Variants in FAM83B observed in about 807,000 individuals in gnomAD.
FAM83B encodes the protein protein FAM83B.
In FAM83B, 26 loss-of-function variants were observed where a neutral mutation model predicts 38.8. The ratio of observed to expected loss-of-function variants is 0.67; its 90% CI spans 0.49 to 0.93. The LOEUF (loss-of-function observed/expected upper bound fraction) is 0.93. FAM83B is among the 40% of genes least tolerant of loss of function. FAM83B has a pLI of 0.00. For synonymous variants in FAM83B, 419 were observed against 423.1 expected, an observed-to-expected ratio of 0.99 and a Z score of 0.12; for missense variants, 1,237 against 1,197.3, an observed-to-expected ratio of 1.03 and a Z score of -0.49.
At chr6:54,859,573 T>C (rs1771527883) in intron 1 of FAM83B, among the ~76,000 whole-genome samples, 1 of 152,160 alleles carries the variant, frequency 6.6e-6, no homozygotes, top group South Asian at 2.1e-4. Flanking sequence ...GTATGATGCA[T>C]TTAAATAATG....
At position 54,940,840 on chromosome 6, in the gene FAM83B, C is replaced by T. The variant is rs547095945; in HGVS notation, c.1869C>T (p.Ala623=). 2 of 1,613,938 alleles carry T rather than the reference C, an allele frequency of 1.2e-6. No homozygotes were observed. Among genetic ancestry groups the T allele is most frequent in the African/African-American group, 1.3e-5 (1 of 75,008 alleles). ...AGGTTCCTGAAAACCACTCAGTAGCCTTAAACCAAACTACAAATGGCCATA... is the reference window on the plus strand; with the variant it reads ...AGGTTCCTGAAAACCACTCAGTAGCTTTAAACCAAACTACAAATGGCCATA... The part of the protein sequence containing the change: ...TLQVPENHSV[A]LNQTTNGHTE... Residue 623 remains alanine, a synonymous_variant, in exon 5 of 5, where the codon GCC becomes GCT. Coordinates refer to ENST00000306858, the MANE Select transcript of FAM83B (RefSeq NM_001010872.3).
intron 2 of FAM83B, among the ~76,000 whole-genome samples, chr6:54,925,915 G>A (rs371034781): frequency 6.6e-6 from 1 of 151,850 alleles, no homozygotes; most frequent in African/African-American, 2.4e-5. Context: ...CCTTTCCTAG[G>A]TATATTTCTA....
At chr6:54,871,745 CAAA>C (rs34323872) in intron 2 of FAM83B, among the ~76,000 whole-genome samples, 3 of 29,042 alleles carry the variant, frequency 1.0e-4, no homozygotes, top group African/African-American at 1.4e-4. Flanking sequence ...CCTGTCTCAC[CAAA>C]AAAAAAAAAA....
rs190294313 is a variant in FAM83B at position 54,922,776 on chromosome 6, T to A, written c.445-3595T>A. Among the ~76,000 whole-genome samples, 196 of 152,192 alleles carry A rather than the reference T, an allele frequency of 1.3e-3. 1 individual carries two copies. The highest frequency in any genetic ancestry group is 2.0e-3 in the Non-Finnish European group (139 of 67,956). On this transcript the variant is annotated intron_variant, in intron 2 of 4. Transcript: ENST00000306858. ...AATTAGCGTAAATAAAATTATTTCATATATTATCCATAACTTTGCTCATCT... is the reference window on the plus strand; with the variant it reads ...AATTAGCGTAAATAAAATTATTTCAAATATTATCCATAACTTTGCTCATCT...
At chr6:54,923,439 G>A (rs1443974570) in intron 2 of FAM83B, among the ~76,000 whole-genome samples, 1 of 151,926 alleles carries the variant, frequency 6.6e-6, no homozygotes, top group Non-Finnish European at 1.5e-5. Flanking sequence ...CAGAACCACA[G>A]CCATGGCTAA....
chr6:54,892,497 C>T (rs1037468204), intron 2 of FAM83B, among the ~76,000 whole-genome samples: 2 of 151,824 alleles, frequency 1.3e-5, no homozygotes, highest in African/African-American at 4.8e-5. Flanking sequence ...CATTTAGCTC[C>T]CACTTATAAG....
intron 1 of FAM83B, among the ~76,000 whole-genome samples, chr6:54,868,579 T>C (rs1771771942): frequency 6.6e-6 from 1 of 152,168 alleles, no homozygotes; most frequent in South Asian, 2.1e-4. Flanking sequence ...ATGGGTGTTC[T>C]TCCTTTTTCT....
intron 1 of FAM83B, among the ~76,000 whole-genome samples, chr6:54,851,667 A>T (rs1422931505): frequency 1.5e-3 from 65 of 42,974 alleles, no homozygotes; most frequent in Middle Eastern, 0.022. Flanking sequence ...TTTTTTTTTG[A>T]GACGGAGTCT....
intron 3 of FAM83B, among the ~76,000 whole-genome samples, chr6:54,927,149 T>C (rs1161445708): frequency 1.3e-5 from 2 of 152,184 alleles, no homozygotes; most frequent in Admixed American, 1.3e-4. Flanking sequence ...TATTGCTTAT[T>C]AGAATCATTT....
chr6:54,931,190 G>A (rs1448539314), intron 4 of FAM83B, among the ~76,000 whole-genome samples: 2 of 152,088 alleles, frequency 1.3e-5, no homozygotes, highest in African/African-American at 2.4e-5. Flanking sequence ...TCTTTAATTT[G>A]TTGAGGTTTG....
At chr6:54,851,316 C>G (rs1453458093) in intron 1 of FAM83B, among the ~76,000 whole-genome samples, 1 of 151,018 alleles carries the variant, frequency 6.6e-6, no homozygotes, top group Non-Finnish European at 1.5e-5. Context: ...CTTCACTTAC[C>G]TTCTCTTTTT....
chr6:54,904,946 G>A (rs2127582986), intron 2 of FAM83B, among the ~76,000 whole-genome samples: 1 of 152,272 alleles, frequency 6.6e-6, no homozygotes, highest in East Asian at 1.9e-4. Context: ...GGAGGGAGAG[G>A]ATGGGAGATC....
chr6:54,855,744 A>C (rs1771432361), intron 1 of FAM83B, among the ~76,000 whole-genome samples: 1 of 152,210 alleles, frequency 6.6e-6, no homozygotes, highest in South Asian at 2.1e-4. Flanking sequence ...GTGGATCCAA[A>C]ATACGATTCA....
chr6:54,885,803 A>T (rs185171666), intron 2 of FAM83B, among the ~76,000 whole-genome samples: 1 of 129,096 alleles, frequency 7.7e-6, no homozygotes, highest in Non-Finnish European at 1.6e-5. Context: ...AACATCACAC[A>T]CCGGGGACTG....
chr6:54,888,590 A>G (rs1772331718), intron 2 of FAM83B, among the ~76,000 whole-genome samples: 1 of 151,964 alleles, frequency 6.6e-6, no homozygotes. Context: ...TTAGGCCTTC[A>G]TAGTTTCAGT....
chr6:54,876,809 T>C (rs1208187460), intron 2 of FAM83B, among the ~76,000 whole-genome samples: 1 of 152,126 alleles, frequency 6.6e-6, no homozygotes, highest in Non-Finnish European at 1.5e-5. Flanking sequence ...TGAGGTAGTG[T>C]TACTGACTAT....
intron 1 of FAM83B, among the ~76,000 whole-genome samples, chr6:54,860,304 CAT>C (rs1289312263): frequency 6.6e-6 from 1 of 152,104 alleles, no homozygotes; most frequent in Admixed American, 6.5e-5. Flanking sequence ...TTGGTAAACA[CAT>C]TGACTTGCTG....
intron 2 of FAM83B, among the ~76,000 whole-genome samples, chr6:54,920,336 G>C (rs973266966): frequency 1.3e-5 from 2 of 151,440 alleles, no homozygotes; most frequent in Non-Finnish European, 3.0e-5. Flanking sequence ...CCATTAATCT[G>C]TTTTTTCAAA....
Position 54,944,927 on chromosome 6 carries a change from C to T in FAM83B, c.*2920C>T, listed in dbSNP as rs1773769699. 6.6e-6 allele frequency: 1 copy of T among 152,132 alleles called. No homozygotes were observed. Among genetic ancestry groups the T allele is most frequent in the African/African-American group, 2.4e-5 (1 of 41,430 alleles). The allele number at this position is 152,132 out of a possible 1,614,324, so 9.4% of individuals were successfully genotyped here. A position where few individuals can be genotyped will look rare whatever the true frequency, so the allele number is the denominator to read the frequency against. ...TTCTTTTTTAAGAGATGGGTTTTCA[C>T]TAGTATGCCCAGTCTGGACTCCAAG... is the stretch of plus-strand genomic sequence containing the variant. On this transcript the variant is annotated 3_prime_UTR_variant, in exon 5 of 5. Transcript: ENST00000306858.
Sources: gnomAD v4.1 joint callset for allele counts (sites outside exome capture counted in the v4.1 genomes callset) on GRCh38, gnomAD v4.1.1 for gene constraint, MANE v1.5 for transcripts, NCBI Gene and HGNC (gene_info 2026-07-23, HGNC 2026-07-21) for gene names.